Variants in ETFA observed in about 807,000 individuals in gnomAD.
ETFA encodes the protein electron transfer flavoprotein subunit alpha, also known as electron transfer flavoprotein subunit alpha, mitochondrial.
Under a neutral mutation model 46.2 loss-of-function variants are expected in ETFA, and 22 were observed. That is an observed-to-expected ratio of 0.48 (90% confidence interval 0.34 to 0.68). ETFA has a LOEUF of 0.68. ETFA is among the 30% of genes least tolerant of loss of function. The pLI, the probability that ETFA is intolerant of heterozygous loss-of-function variation, is 0.01. For missense variants in ETFA, 345 were observed against 401.1 expected (o/e 0.86, Z 1.19); for synonymous variants, 131 against 139.9 (o/e 0.94, Z 0.45).
rs1439001057 is a variant in ETFA, at chr15:76,217,632, G to A, written c.964-1035C>T. The A allele has an allele frequency of 8.8e-6, 4 of 455,872 alleles. No individual in the cohort carries two copies. In the East Asian group the frequency reaches 2.8e-4, roughly 32 times the overall value. The allele number at this position is 455,872 out of a possible 1,614,324, so 28.2% of individuals were successfully genotyped here. On this transcript the variant is annotated intron_variant, in intron 11 of 11. Coordinates refer to ENST00000557943, the MANE Select transcript of ETFA (RefSeq NM_000126.4). The stretch of plus-strand genomic sequence containing the variant: ...GGCTGCAACTGGAGCTTCCAGTGTA[G>A]AGCTGCTTTGTGACTGCTTGGACAG...
intron 1 of ETFA, among the ~76,000 whole-genome samples, chr15:76,310,897 C>G (rs1385225737): frequency 6.9e-6 from 1 of 144,382 alleles, no homozygotes; most frequent in Non-Finnish European, 1.5e-5. Context: ...AGCCACGATG[C>G]GCCCAAAGTG....
At chr15:76,218,783 A>T (rs2038925428) in intron 11 of ETFA, among the ~76,000 whole-genome samples, 1 of 152,328 alleles carries the variant, frequency 6.6e-6, no homozygotes, top group East Asian at 1.9e-4. Flanking sequence ...ACCTACTGAT[A>T]TAAATCACAG....
At chr15:76,252,956 G>A (rs2039314426) in intron 9 of ETFA, among the ~76,000 whole-genome samples, 1 of 147,468 alleles carries the variant, frequency 6.8e-6, no homozygotes, top group African/African-American at 2.5e-5. Context: ...AAGCTGGAGT[G>A]CAGTGGCTGT....
intron 9 of ETFA, among the ~76,000 whole-genome samples, chr15:76,232,025 C>T (rs1170320729): frequency 6.6e-6 from 1 of 152,066 alleles, no homozygotes; most frequent in Non-Finnish European, 1.5e-5. Context: ...CACACATTCT[C>T]TCTGAATAAA....
chr15:76,236,387 T>C (rs1282086944), intron 9 of ETFA, among the ~76,000 whole-genome samples: 2 of 152,242 alleles, frequency 1.3e-5, no homozygotes, highest in African/African-American at 2.4e-5. Flanking sequence ...AGACTAACTA[T>C]ATTTCAAGTA....
chr15:76,240,470 G>A (rs1467007624), intron 9 of ETFA, among the ~76,000 whole-genome samples: 2 of 152,150 alleles, frequency 1.3e-5, no homozygotes, highest in Non-Finnish European at 2.9e-5. Context: ...GAGCAGGTGG[G>A]ATGTATATCA....
chr15:76,270,375 T>C (rs2039516481), intron 9 of ETFA, among the ~76,000 whole-genome samples: 1 of 152,166 alleles, frequency 6.6e-6, no homozygotes, highest in Non-Finnish European at 1.5e-5. Flanking sequence ...AGACTAGAAT[T>C]GGAGATACCA....
At chr15:76,231,603 T>C (rs1317683595) in intron 9 of ETFA, among the ~76,000 whole-genome samples, 3 of 152,218 alleles carry the variant, frequency 2.0e-5, no homozygotes, top group East Asian at 1.9e-4. Flanking sequence ...ATAGCAATGG[T>C]AGTAAAATAA....
At chr15:76,224,277 T>C (rs1339489905) in intron 11 of ETFA, among the ~76,000 whole-genome samples, 2 of 152,172 alleles carry the variant, frequency 1.3e-5, no homozygotes, top group Non-Finnish European at 2.9e-5. Context: ...CTTACACACT[T>C]GGGCCAGGCA....
At chr15:76,244,697 A>G (rs1039612635) in intron 9 of ETFA, among the ~76,000 whole-genome samples, 3 of 152,230 alleles carry the variant, frequency 2.0e-5, no homozygotes, top group Non-Finnish European at 4.4e-5. Flanking sequence ...TAGAATAAGA[A>G]TAGAAATTTA....
In ETFA at chr15:76,311,263, G is replaced by C. The variant is rs1312486529; in HGVS notation, c.39+87C>G. ...GGGCGCGAGGGCTGGTCGAATCTGA[G>C]GGGGCCAGTGATCTTTGCAAGACCC... On this transcript the variant is annotated intron_variant, in intron 1 of 11. Coordinates refer to ENST00000557943, the MANE Select transcript of ETFA (RefSeq NM_000126.4). 3 of 1,452,318 alleles carry C rather than the reference G, an allele frequency of 2.1e-6. No homozygotes were observed. The African/African-American group carries it at 4.3e-5, about 21-fold the overall frequency. 90.0% of individuals were successfully genotyped at this position (1,452,318 alleles called of 1,614,324 possible). A position where few individuals can be genotyped will look rare whatever the true frequency, so the allele number is the denominator to read the frequency against.
intron 9 of ETFA, among the ~76,000 whole-genome samples, chr15:76,255,629 G>C (rs1315427069): frequency 6.6e-6 from 1 of 152,216 alleles, no homozygotes; most frequent in African/African-American, 2.4e-5. Flanking sequence ...CTGTAGACAT[G>C]ACTGTGTTTC....
At chr15:76,303,311 A>T (rs945579079) in intron 1 of ETFA, among the ~76,000 whole-genome samples, 1 of 152,102 alleles carries the variant, frequency 6.6e-6, no homozygotes, top group Admixed American at 6.5e-5. Flanking sequence ...CCATCTCAAA[A>T]AACAAACAAA....
rs187154338 is a variant in ETFA at position 76,232,135 on chromosome 15, T to C, written c.817-737A>G. ...AGTTTTTTGGTAAATGTTGATGATA[T>C]TTGTACCTCTTCCTGCCCCTCTGCC... On this transcript the variant is annotated intron_variant, in intron 9 of 11. Transcript: ENST00000557943. 1.6e-4 allele frequency among the ~76,000 whole-genome samples: 24 copies of C among 152,300 alleles called. No individual in the cohort carries two copies. The Middle Eastern group carries it at 0.01, about 65-fold the overall frequency.
chr15:76,278,079 T>C (rs184366086), intron 8 of ETFA, among the ~76,000 whole-genome samples: 1 of 152,194 alleles, frequency 6.6e-6, no homozygotes, highest in East Asian at 1.9e-4. Context: ...AAGCTTCTTA[T>C]ATGCCAGATT....
intron 11 of ETFA, among the ~76,000 whole-genome samples, chr15:76,225,124 C>G (rs540632601): frequency 7.2e-5 from 11 of 152,282 alleles, no homozygotes; most frequent in African/African-American, 2.6e-4. Context: ...CTACTCTCCC[C>G]TGAAAAGCTC....
At chr15:76,310,218 T>C (rs1359005437) in intron 1 of ETFA, among the ~76,000 whole-genome samples, 1 of 151,002 alleles carries the variant, frequency 6.6e-6, no homozygotes, top group East Asian at 1.9e-4. Flanking sequence ...TGCACTCCAC[T>C]CCAGCATGGG....
At chr15:76,259,098 C>T in intron 9 of ETFA, 1 of 1,542,744 alleles carries the variant, frequency 6.5e-7, no homozygotes, top group Non-Finnish European at 9.0e-7. Context: ...AGCCAGCCCT[C>T]CAGGGGTGAG....
intron 11 of ETFA, 117 bp from the exon 12 acceptor site, chr15:76,216,714 G>A (rs1252434254): frequency 1.9e-5 from 14 of 725,300 alleles, no homozygotes; most frequent in South Asian, 3.1e-5. Context: ...GTTGAGGCAC[G>A]AGGGCCCCCT....
Sources: allele counts gnomAD v4.1 joint callset (sites outside exome capture counted in the v4.1 genomes callset), GRCh38; gene constraint gnomAD v4.1.1; transcripts MANE v1.5; gene names NCBI Gene and HGNC (gene_info 2026-07-23, HGNC 2026-07-21).